Variants in DCLK1 observed in about 807,000 individuals in gnomAD.
DCLK1 encodes serine/threonine-protein kinase DCLK1.
DCLK1 carries 16 observed loss-of-function variants against 86.2 expected under a neutral mutation model. The observed-to-expected ratio is 0.19, with a 90% CI of 0.13 to 0.28. The LOEUF (loss-of-function observed/expected upper bound fraction) is 0.28. Among genes scored for constraint, DCLK1 ranks in the 10% least tolerant of loss-of-function variants. The pLI, the probability that DCLK1 is intolerant of heterozygous loss-of-function variation, is 1.00. For synonymous variants in DCLK1, 369 were observed against 370.5 expected (o/e 1.00, Z 0.05); for missense variants, 590 against 940.2 (o/e 0.63, Z 4.87).
rs2086383719 is a variant in DCLK1, at chr13:35,774,335, A to C, written c.*200T>G. On this transcript the variant is annotated 3_prime_UTR_variant, in exon 17 of 17. Coordinates refer to ENST00000360631, the MANE Select transcript of DCLK1 (RefSeq NM_001330071.2). ...CCTTTGAGGACTCTATTAGCAGCAA[A>C]TTACCATCTTCACAATCACCACGTG... 1.9e-5 allele frequency: 14 copies of C among 723,048 alleles called. 1 individual carries two copies. The South Asian group carries it at 2.5e-4, about 13-fold the overall frequency. 44.8% of individuals were successfully genotyped at this position (723,048 alleles called of 1,614,324 possible).
intron 3 of DCLK1, among the ~76,000 whole-genome samples, chr13:36,040,720 T>G (rs188552475): frequency 7.2e-5 from 11 of 152,172 alleles, no homozygotes; most frequent in Admixed American, 1.3e-4. Context: ...CCTAAATTGT[T>G]TGAAATTCTT....
chr13:35,795,637 G>A (rs1272271198), intron 15 of DCLK1, among the ~76,000 whole-genome samples: 2 of 152,142 alleles, frequency 1.3e-5, no homozygotes. Flanking sequence ...TATGGTGAAT[G>A]AGGCCAAATG....
chr13:36,125,928 T>C lies in DCLK1; in HGVS notation c.210A>G (p.Lys70=). Residue 70 remains lysine (K), a synonymous_variant, in exon 2 of 17, where the codon AAA becomes AAG. Coordinates refer to ENST00000360631, the MANE Select transcript of DCLK1 (RefSeq NM_001330071.2). ...RFYRNGDRYF[K]GIVYAISPDR... ...CTGGGGAGATGGCATACACAATCCC[T>C]TTGAAGTATCGATCTCCGTTTCGAT... 3.1e-6 allele frequency: 5 copies of C among 1,614,190 alleles called. No homozygotes were observed. The highest frequency in any genetic ancestry group is 4.2e-6 in the Non-Finnish European group (5 of 1,180,026).
At chr13:35,951,113 T>G (rs1461237461) in intron 3 of DCLK1, among the ~76,000 whole-genome samples, 2 of 151,986 alleles carry the variant, frequency 1.3e-5, no homozygotes, top group African/African-American at 4.8e-5. Context: ...ATCCTCAAGT[T>G]AAAGTTCATC....
intron 15 of DCLK1, among the ~76,000 whole-genome samples, chr13:35,796,491 G>A (rs74400583): frequency 1.3e-3 from 200 of 152,280 alleles, no homozygotes; most frequent in African/African-American, 4.5e-3. Context: ...AAGAGGGAAC[G>A]AGCAGAGGTG....
chr13:35,978,978 AT>A, intron 3 of DCLK1, among the ~76,000 whole-genome samples: 1 of 152,296 alleles, frequency 6.6e-6, no homozygotes, highest in East Asian at 1.9e-4. Context: ...CTCTACCTAT[AT>A]TGTCTTATCT....
intron 3 of DCLK1, among the ~76,000 whole-genome samples, chr13:36,052,384 A>G (rs1883154089): frequency 6.6e-6 from 1 of 152,150 alleles, no homozygotes; most frequent in African/African-American, 2.4e-5. Context: ...AGTAGAGAGG[A>G]TATCATGTGA....
chr13:35,809,174 C>T, intron 12 of DCLK1, 79 bp from the exon 13 acceptor site: 1 of 1,143,164 alleles, frequency 8.7e-7, no homozygotes, highest in Admixed American at 2.2e-5. Context: ...AATGACTTTC[C>T]TCCTCCAAGC....
chr13:35,874,835 G>C (rs1872504383), intron 4 of DCLK1, among the ~76,000 whole-genome samples: 1 of 152,238 alleles, frequency 6.6e-6, no homozygotes, highest in African/African-American at 2.4e-5. Context: ...CTCTGACCAT[G>C]CAACTGACAA....
intron 10 of DCLK1, among the ~76,000 whole-genome samples, chr13:35,825,961 T>C (rs1025443409): frequency 5.9e-5 from 9 of 151,580 alleles, no homozygotes; most frequent in Non-Finnish European, 1.2e-4. Context: ...TACAGGCGCC[T>C]GCCACCATGC....
intron 3 of DCLK1, among the ~76,000 whole-genome samples, chr13:36,091,595 T>C (rs1199615298): frequency 6.6e-6 from 1 of 152,208 alleles, no homozygotes; most frequent in Non-Finnish European, 1.5e-5. Flanking sequence ...TGCTTCTCTA[T>C]ACATTTATAA....
At chr13:35,865,292 G>T (rs1364017484) in intron 5 of DCLK1, among the ~76,000 whole-genome samples, 2 of 151,656 alleles carry the variant, frequency 1.3e-5, no homozygotes, top group Non-Finnish European at 3.0e-5. Context: ...CATTTTACTA[G>T]ATCTGTGTTC....
intron 3 of DCLK1, among the ~76,000 whole-genome samples, chr13:36,013,813 G>C (rs1455056167): frequency 6.6e-6 from 1 of 152,144 alleles, no homozygotes; most frequent in Admixed American, 6.5e-5. Flanking sequence ...AATGGCGGGC[G>C]CCCCTCCCCC....
chr13:36,109,457 G>C (rs1294779480), intron 3 of DCLK1, among the ~76,000 whole-genome samples: 1 of 152,200 alleles, frequency 6.6e-6, no homozygotes, highest in Non-Finnish European at 1.5e-5. Flanking sequence ...GTAGCTGTGT[G>C]GTCTTGTGCA....
chr13:36,100,955 C>T (rs1885197476), intron 3 of DCLK1, among the ~76,000 whole-genome samples: 1 of 152,186 alleles, frequency 6.6e-6, no homozygotes, highest in African/African-American at 2.4e-5. Context: ...TCAAAAGTTA[C>T]CCCTCCATTC....
At chr13:36,096,929 A>G (rs533551358) in intron 3 of DCLK1, among the ~76,000 whole-genome samples, 22 of 152,186 alleles carry the variant, frequency 1.4e-4, no homozygotes, top group African/African-American at 3.4e-4. Context: ...GAAATGCCGT[A>G]TGTGCAAAGA....
At position 35,839,080 on chromosome 13, in the gene DCLK1, C is replaced by A; in HGVS notation, c.1120+12G>T. The A allele has an allele frequency of 6.3e-7, 1 of 1,591,428 alleles. No homozygotes were observed. The highest frequency in any genetic ancestry group is 1.2e-5 in the South Asian group (1 of 86,820). On this transcript the variant is annotated intron_variant, in intron 7 of 16. Transcript: ENST00000360631. ...CTCTGCCTCCTCAGATACCAAGTCC[C>A]AAGCTCATCACCTTCTCCAGGGCCA... is the stretch of plus-strand genomic sequence containing the variant.
intron 3 of DCLK1, among the ~76,000 whole-genome samples, chr13:36,075,042 A>G (rs776364800): frequency 5.3e-5 from 8 of 152,214 alleles, no homozygotes; most frequent in Admixed American, 2.0e-4. Flanking sequence ...TAAGGGGGGA[A>G]AAACCCAATC....
chr13:35,825,295 T>C (rs1440315060), intron 10 of DCLK1, among the ~76,000 whole-genome samples: 1 of 152,126 alleles, frequency 6.6e-6, no homozygotes, highest in Admixed American at 6.5e-5. Context: ...GGGAAGCTTC[T>C]CGAGCTGTCC....
Sources: allele counts gnomAD v4.1 joint callset (sites outside exome capture counted in the v4.1 genomes callset), GRCh38; gene constraint gnomAD v4.1.1; transcripts MANE v1.5; gene names NCBI Gene and HGNC (gene_info 2026-07-23, HGNC 2026-07-21).